The following RNF130 variants were observed in gnomAD, a reference collection of about 807,000 sequenced individuals.
RNF130 encodes the protein E3 ubiquitin-protein ligase RNF130.
A neutral mutation model predicts 44.6 loss-of-function variants in RNF130; 21 were observed. That is an observed-to-expected ratio of 0.47 (90% CI 0.33 to 0.68). The LOEUF is 0.68. RNF130 is among the 30% of genes least tolerant of loss of function. The pLI is 0.02. For synonymous variants in RNF130, 214 were observed against 210.4 expected (o/e 1.02, Z -0.15); for missense variants, 479 against 560.6 (o/e 0.85, Z 1.47).
At chr5:180,010,512 A>C (rs1763568412) in intron 3 of RNF130, among the ~76,000 whole-genome samples, 1 of 151,954 alleles carries the variant, frequency 6.6e-6, no homozygotes, top group South Asian at 2.1e-4. Flanking sequence ...GGCGCATGGC[A>C]CCTTGCCCAG....
At chr5:180,039,684 A>T (rs1764360360) in intron 2 of RNF130, among the ~76,000 whole-genome samples, 1 of 152,228 alleles carries the variant, frequency 6.6e-6, no homozygotes. Flanking sequence ...TACACGATGA[A>T]AAGTTAGTTC....
chr5:179,952,205 C>T (rs975249651), downstream of RNF130, among the ~76,000 whole-genome samples: 2 of 150,452 alleles, frequency 1.3e-5, no homozygotes, highest in African/African-American at 4.9e-5. Context: ...AAAAACAAAA[C>T]AAAAAAACAA....
chr5:180,023,922 C>T (rs1763930543), intron 2 of RNF130, among the ~76,000 whole-genome samples: 1 of 152,230 alleles, frequency 6.6e-6, no homozygotes, highest in African/African-American at 2.4e-5. Context: ...GACACTACCT[C>T]AGCCAGGTGA....
chr5:179,945,435 T>C (rs1437534692), intron 7 of RNF130, among the ~76,000 whole-genome samples: 1 of 152,182 alleles, frequency 6.6e-6, no homozygotes, highest in Non-Finnish European at 1.5e-5. Flanking sequence ...CAGTTCATCT[T>C]TTCATACAAG....
intron 1 of RNF130, among the ~76,000 whole-genome samples, chr5:180,041,240 T>C (rs1764412119): frequency 6.6e-6 from 1 of 152,224 alleles, no homozygotes; most frequent in Non-Finnish European, 1.5e-5. Flanking sequence ...AAAGTTGAAG[T>C]AGTTAAAATA....
intron 5 of RNF130, among the ~76,000 whole-genome samples, chr5:179,972,057 C>T (rs1762597642): frequency 6.6e-6 from 1 of 152,170 alleles, no homozygotes; most frequent in East Asian, 1.9e-4. Context: ...TGGAAACCCA[C>T]CAATCCATAG....
intron 3 of RNF130, among the ~76,000 whole-genome samples, chr5:179,991,436 T>C (rs776254124): frequency 2.6e-5 from 4 of 152,228 alleles, no homozygotes; most frequent in Non-Finnish European, 5.9e-5. Flanking sequence ...TTAAGTAAGT[T>C]TTCTAAACTC....
chr5:179,963,855 G>A, intron 7 of RNF130: 1 of 364,794 alleles, frequency 2.7e-6, no homozygotes, highest in Non-Finnish European at 5.1e-6. Context: ...GTGAAAATAT[G>A]TATATAAAAT....
intron 1 of RNF130, among the ~76,000 whole-genome samples, chr5:180,055,435 T>G (rs1266966040): frequency 1.9e-5 from 1 of 53,520 alleles, no homozygotes; most frequent in Non-Finnish European, 3.9e-5. Context: ...GAATGTCAGA[T>G]GACTTTGTGT....
chr5:179,966,843 G>A lies in RNF130; in HGVS notation c.1113C>T (p.Leu371=). ...GISPLPQDGE[L]TPRTGEINIA... ...TGTTGATTTCTCCTGTTCTCGGAGTGAGCTCCCCATCCTGAGGAAGAGGTG... is the reference window on the plus strand; with the variant it reads ...TGTTGATTTCTCCTGTTCTCGGAGTAAGCTCCCCATCCTGAGGAAGAGGTG... The change falls in exon 7 of 9, where the codon CTC becomes CTT. Residue 371 remains leucine (L), a synonymous_variant. Transcript: ENST00000521389. 1 of 1,614,184 alleles carries A rather than the reference G, an allele frequency of 6.2e-7. No homozygotes were observed.
At position 180,013,228 on chromosome 5, in the gene RNF130, G is replaced by C; in HGVS notation, c.526C>G (p.Gln176Glu). 1 of 1,614,140 alleles carries C rather than the reference G, an allele frequency of 6.2e-7. No homozygotes were observed. The highest frequency in any genetic ancestry group is 8.5e-7 in the Non-Finnish European group (1 of 1,180,018). ...LSYLEKNISV[Q>E]MTIAVGTRMP... ...CGAGTTCCAACAGCTATTGTCATTT[G>C]TACAGAGATGTTTTTCTCCAGATAA... The change falls in exon 3 of 9, where the codon CAA (glutamine) becomes GAA (glutamate). Residue 176 changes from glutamine (Q) to glutamate (E), a missense_variant. By Grantham distance (29) the Gln-to-Glu change is conservative. Transcript: ENST00000521389.
At chr5:180,005,391 T>A (rs906102618) in intron 3 of RNF130, among the ~76,000 whole-genome samples, 2 of 152,164 alleles carry the variant, frequency 1.3e-5, no homozygotes, top group Non-Finnish European at 2.9e-5. Context: ...ATCGAGCCAC[T>A]GTACTCCAGC....
intron 7 of RNF130, among the ~76,000 whole-genome samples, chr5:179,924,533 C>G (rs1315967962): frequency 6.6e-6 from 1 of 151,194 alleles, no homozygotes; most frequent in African/African-American, 2.4e-5. Context: ...CGCAGTGGCT[C>G]ATGCCTGTAA....
chr5:180,006,781 C>G (rs1763471134), intron 3 of RNF130, among the ~76,000 whole-genome samples: 1 of 152,170 alleles, frequency 6.6e-6, no homozygotes, highest in Non-Finnish European at 1.5e-5. Context: ...AATCCTTAAG[C>G]ATTTATTCAA....
intron 3 of RNF130, among the ~76,000 whole-genome samples, chr5:180,010,652 G>A (rs1031702714): frequency 1.3e-5 from 2 of 152,160 alleles, no homozygotes; most frequent in Non-Finnish European, 2.9e-5. Flanking sequence ...GAGCCACCGT[G>A]CCTGGCCCAT....
chr5:179,952,709 C>T (rs554389771), downstream of RNF130, among the ~76,000 whole-genome samples: 670 of 152,298 alleles, frequency 4.4e-3, 4 homozygotes, highest in Admixed American at 7.1e-3. Context: ...TAATGCACCA[C>T]ATTCATAGGA....
At chr5:179,997,530 G>A (rs1050626823) in intron 3 of RNF130, among the ~76,000 whole-genome samples, 8 of 151,956 alleles carry the variant, frequency 5.3e-5, no homozygotes, top group Admixed American at 1.3e-4. Flanking sequence ...GGGTTTCACC[G>A]TGTTAGCCAG....
intron 7 of RNF130, among the ~76,000 whole-genome samples, chr5:179,938,422 G>A (rs1277298313): frequency 6.8e-6 from 1 of 146,832 alleles, no homozygotes; most frequent in Admixed American, 7.2e-5. Context: ...AGAATGGGGA[G>A]CAACTGCTTA....
chr5:180,068,202 G>A (rs1765151873), intron 1 of RNF130, among the ~76,000 whole-genome samples: 1 of 152,186 alleles, frequency 6.6e-6, no homozygotes, highest in African/African-American at 2.4e-5. Flanking sequence ...AAAAGTTAGT[G>A]TGCACACACA....
Sources: gnomAD v4.1 joint callset for allele counts (sites outside exome capture counted in the v4.1 genomes callset) on GRCh38, gnomAD v4.1.1 for gene constraint, MANE v1.5 for transcripts, NCBI Gene and HGNC (gene_info 2026-07-23, HGNC 2026-07-21) for gene names.